The following UMAD1 variants were observed in gnomAD, a reference collection of about 807,000 sequenced individuals.
UMAD1 encodes UBAP1-MVB12-associated (UMA) domain containing 1.
UMAD1 carries 8 observed loss-of-function variants against 6.1 expected under a neutral mutation model. The observed-to-expected ratio is 1.30, with a 90% CI of 0.76 to 2.35. The LOEUF is 2.35. Among genes scored for constraint, UMAD1 ranks in the 30% most tolerant of loss-of-function variants. The pLI is 0.00. For missense variants in UMAD1, 130 were observed against 78.4 expected, an observed-to-expected ratio of 1.66 and a Z score of -2.49; for synonymous variants, 56 against 31.4, an observed-to-expected ratio of 1.78 and a Z score of -2.61.
chr7:7,647,178 T>A lies in UMAD1; in HGVS notation c.-64+6357T>A, dbSNP rs563801730. 5.3e-5 allele frequency among the ~76,000 whole-genome samples: 8 copies of A among 152,338 alleles called. No homozygotes were observed. In the South Asian group the frequency reaches 1.7e-3, roughly 32 times the overall value. ...TAGAGCTTTAGACATTTCCCACAAG[T>A]TTTTATAAGCAGGTGTACATTAAGT... On this transcript the variant is annotated intron_variant, in intron 1 of 3. Transcript: ENST00000682710.
chr7:7,740,075 C>T (rs1317739393), intron 2 of UMAD1, among the ~76,000 whole-genome samples: 1 of 152,232 alleles, frequency 6.6e-6, no homozygotes, highest in African/African-American at 2.4e-5. Context: ...TCTTGAAACC[C>T]TGGATTGCTA....
intron 2 of UMAD1, among the ~76,000 whole-genome samples, chr7:7,748,072 G>A (rs966268686): frequency 7.9e-5 from 12 of 151,200 alleles, no homozygotes; most frequent in Non-Finnish European, 1.5e-4. Flanking sequence ...GAGTAGCTGG[G>A]ACTACAGGGG....
At chr7:7,816,407 T>G (rs1043194114) in intron 3 of UMAD1, among the ~76,000 whole-genome samples, 2 of 152,218 alleles carry the variant, frequency 1.3e-5, no homozygotes, top group Non-Finnish European at 2.9e-5. Flanking sequence ...AGAACTAAAC[T>G]GAGTGTTCTA....
At position 7,828,794 on chromosome 7, in the gene UMAD1, CT is replaced by C. The variant is rs551073465; in HGVS notation, c.156+27052del. On this transcript the variant is annotated intron_variant, in intron 3 of 3. Transcript: ENST00000682710. ...TGTACAACCAGTGGTACTCTCCCCA[CT>C]ACTTAGGAATTACTGAACAGATCAG... Among the ~76,000 whole-genome samples, 35 of 152,248 alleles carry C rather than the reference CT, an allele frequency of 2.3e-4. 1 individual carries two copies. Among genetic ancestry groups the C allele is most frequent in the South Asian group, 1.7e-3 (8 of 4,824 alleles).
At chr7:7,742,674 GAATAA>G in intron 2 of UMAD1, 1 of 257,060 alleles carries the variant, frequency 3.9e-6, no homozygotes, top group Non-Finnish European at 7.8e-6. Flanking sequence ...TGCCAACTAA[GAATAA>G]AATAAATATG....
intron 2 of UMAD1, chr7:7,736,246 G>A (rs1397286555): frequency 6.6e-6 from 1 of 152,318 alleles, no homozygotes; most frequent in Non-Finnish European, 1.5e-5. Flanking sequence ...GAAAGTGTCT[G>A]CTGGTCAGGC....
At position 7,830,851 on chromosome 7, in the gene UMAD1, A is replaced by T. The variant is rs1487214216; in HGVS notation, c.156+29108A>T. Reference sequence around the variant, plus strand: ...AATTGAAGCCTGTTTATATCTTCCCATCTTTTTAAGTATCTGCATAGAAAA... The same window carrying T: ...AATTGAAGCCTGTTTATATCTTCCCTTCTTTTTAAGTATCTGCATAGAAAA... On this transcript the variant is annotated intron_variant, in intron 3 of 3. Coordinates refer to ENST00000682710, the MANE Select transcript of UMAD1 (RefSeq NM_001302348.2). This position sits in a 1 kb window ranked among gnomAD's most constrained non-coding sequence, Gnocchi z 5.3. Among the ~76,000 whole-genome samples the T allele has an allele frequency of 6.6e-6, 1 of 152,134 alleles. No homozygotes were observed. The highest frequency in any genetic ancestry group is 1.5e-5 in the Non-Finnish European group (1 of 68,010).
chr7:7,679,868 C>G lies in UMAD1; in HGVS notation c.82+6415C>G, dbSNP rs549538157. ...GCGTGAGCTGCTATGCCTGGCCTGC[C>G]CATTTTAAAATTGGATTATTTTATT... On this transcript the variant is annotated intron_variant, in intron 2 of 3. Coordinates refer to ENST00000682710, the MANE Select transcript of UMAD1 (RefSeq NM_001302348.2). Among the ~76,000 whole-genome samples, 10 of 151,340 alleles carry G rather than the reference C, an allele frequency of 6.6e-5. No individual in the cohort carries two copies. The South Asian group carries it at 2.1e-3, about 32-fold the overall frequency.
At chr7:7,793,050 T>G (rs1289892354) in intron 2 of UMAD1, among the ~76,000 whole-genome samples, 4 of 152,154 alleles carry the variant, frequency 2.6e-5, no homozygotes, top group African/African-American at 9.7e-5. Flanking sequence ...GGACACACAC[T>G]TTCAGTCCAT....
intron 2 of UMAD1, among the ~76,000 whole-genome samples, chr7:7,751,368 A>G (rs1220178137): frequency 2.0e-5 from 3 of 152,238 alleles, no homozygotes; most frequent in Non-Finnish European, 4.4e-5. Flanking sequence ...AGATGTGCCA[A>G]TGCAAACAAT....
intron 3 of UMAD1, among the ~76,000 whole-genome samples, chr7:7,831,833 A>T (rs1783472672): frequency 6.6e-6 from 1 of 152,154 alleles, no homozygotes; most frequent in Admixed American, 6.6e-5. Context: ...TATTATTAGT[A>T]ATAGGGATGG....
intron 2 of UMAD1, among the ~76,000 whole-genome samples, chr7:7,782,073 C>T (rs949007492): frequency 1.3e-5 from 2 of 152,062 alleles, no homozygotes; most frequent in Non-Finnish European, 2.9e-5. Context: ...ACGAAAACCA[C>T]ATTATTTACC....
chr7:7,782,311 C>A (rs1049195713), intron 2 of UMAD1, among the ~76,000 whole-genome samples: 2 of 151,888 alleles, frequency 1.3e-5, no homozygotes, highest in Non-Finnish European at 2.9e-5. Flanking sequence ...ATATACTTTT[C>A]TGTTCTTTTG....
chr7:7,661,006 ATTGTTTTTTTTTTGTT>A (rs1253134368), intron 1 of UMAD1, among the ~76,000 whole-genome samples: 2 of 37,524 alleles, frequency 5.3e-5, no homozygotes, highest in Non-Finnish European at 8.9e-5. Context: ...ATTCCTTTTG[ATTGTTTTTTTTTTGTT>A]TTGTTTTCTA....
At chr7:7,870,540 A>T (rs904560267) in intron 3 of UMAD1, among the ~76,000 whole-genome samples, 5 of 152,172 alleles carry the variant, frequency 3.3e-5, no homozygotes, top group African/African-American at 1.2e-4. Context: ...AAAAAATCAC[A>T]AGACTTTGTG....
Position 7,879,134 on chromosome 7 carries a change from A to G in UMAD1, c.*1596A>G, listed in dbSNP as rs762476372. 1.3e-5 allele frequency: 2 copies of G among 152,208 alleles called. No homozygotes were observed. The highest frequency in any genetic ancestry group is 4.8e-5 in the African/African-American group (2 of 41,460). The allele number at this position is 152,208 out of a possible 1,614,324, so 9.4% of individuals were successfully genotyped here. Reference sequence around the variant, plus strand: ...TGTGCCTACCATGTTATAAATGTTCATAAGTACCTTCATGTGTCTATAAAA... The same window carrying G: ...TGTGCCTACCATGTTATAAATGTTCGTAAGTACCTTCATGTGTCTATAAAA... On this transcript the variant is annotated 3_prime_UTR_variant, in exon 4 of 4. Coordinates refer to ENST00000682710, the MANE Select transcript of UMAD1 (RefSeq NM_001302348.2).
In UMAD1 at chr7:7,810,113, T is replaced by A. The variant is rs564123402; in HGVS notation, c.156+8370T>A. 1.1e-3 allele frequency among the ~76,000 whole-genome samples: 160 copies of A among 152,054 alleles called. 1 individual carries two copies. Among genetic ancestry groups the A allele is most frequent in the Non-Finnish European group, 2.1e-3 (140 of 67,936 alleles). On this transcript the variant is annotated intron_variant, in intron 3 of 3. Transcript: ENST00000682710. ...CTAGTGGATGCCAGGATTTCAGTTT[T>A]AAGAATTTTTTAGTACAAAATGGTA...
intron 2 of UMAD1, among the ~76,000 whole-genome samples, chr7:7,687,664 T>C (rs1780071327): frequency 6.6e-6 from 1 of 152,310 alleles, no homozygotes; most frequent in African/African-American, 2.4e-5. Flanking sequence ...ACTCTGGTTG[T>C]CAGTTAAATT....
intron 2 of UMAD1, among the ~76,000 whole-genome samples, chr7:7,800,905 C>T (rs1383106142): frequency 6.6e-6 from 1 of 152,180 alleles, no homozygotes; most frequent in African/African-American, 2.4e-5. Context: ...AAGCAATTTA[C>T]AAATGGCTAA....
Sources: allele counts gnomAD v4.1 joint callset (sites outside exome capture counted in the v4.1 genomes callset), GRCh38; gene constraint gnomAD v4.1.1; non-coding constraint Gnocchi (gnomAD v3.1); transcripts MANE v1.5; gene names NCBI Gene and HGNC (gene_info 2026-07-23, HGNC 2026-07-21).